The following CAMTA1 variants were observed in gnomAD, a reference collection of about 807,000 sequenced individuals.
CAMTA1 encodes calmodulin-binding transcription activator 1.
Under a neutral mutation model 170.9 loss-of-function variants are expected in CAMTA1, and 27 were observed. The ratio of observed to expected loss-of-function variants is 0.16; its 90% confidence interval spans 0.12 to 0.22. The LOEUF (loss-of-function observed/expected upper bound fraction) is 0.22, where lower values mean the gene tolerates loss of function less well. CAMTA1 is among the 10% of genes least tolerant of loss of function. CAMTA1 has a pLI of 1.00. For missense variants in CAMTA1, 1,619 were observed against 2,217.2 expected, an observed-to-expected ratio of 0.73 and a Z score of 5.42; for synonymous variants, 833 against 891.5, an observed-to-expected ratio of 0.93 and a Z score of 1.17.
chr1:7,344,240 ATG>A (rs1455246742), intron 5 of CAMTA1, among the ~76,000 whole-genome samples: 1 of 152,214 alleles, frequency 6.6e-6, no homozygotes, highest in African/African-American at 2.4e-5. Context: ...AGACCTTTGC[ATG>A]TGGTCTTTTC....
At chr1:7,348,130 A>G (rs777006484) in intron 5 of CAMTA1, among the ~76,000 whole-genome samples, 1 of 152,062 alleles carries the variant, frequency 6.6e-6, no homozygotes, top group Non-Finnish European at 1.5e-5. Context: ...TCCACTCTGC[A>G]TGCCTACCTC....
At chr1:7,618,340 C>G (rs1426495299) in intron 6 of CAMTA1, among the ~76,000 whole-genome samples, 1 of 152,222 alleles carries the variant, frequency 6.6e-6, no homozygotes, top group Non-Finnish European at 1.5e-5. Flanking sequence ...CAGCAGCTCC[C>G]CACCCAGGAG....
chr1:7,616,059 T>C (rs987867930), intron 6 of CAMTA1, among the ~76,000 whole-genome samples: 2 of 152,252 alleles, frequency 1.3e-5, no homozygotes, highest in African/African-American at 4.8e-5. Context: ...ACCACCCTTT[T>C]AAAAGGATGT....
intron 5 of CAMTA1, among the ~76,000 whole-genome samples, chr1:7,337,478 A>G (rs2083460050): frequency 6.7e-6 from 1 of 149,534 alleles, no homozygotes; most frequent in Non-Finnish European, 1.5e-5. Context: ...CGTAATGTGC[A>G]TGGTGGGCCT....
intron 4 of CAMTA1, among the ~76,000 whole-genome samples, chr1:7,174,493 TA>T (rs1650342694): frequency 6.6e-6 from 1 of 152,118 alleles, no homozygotes; most frequent in Non-Finnish European, 1.5e-5. Flanking sequence ...AGAGAAGAGG[TA>T]ACCGAAACAG....
intron 5 of CAMTA1, among the ~76,000 whole-genome samples, chr1:7,431,923 G>A (rs1387772089): frequency 2.6e-5 from 4 of 152,178 alleles, no homozygotes; most frequent in East Asian, 1.9e-4. Context: ...CAGCATGGGA[G>A]CCACTCATCC....
At chr1:6,846,043 A>T (rs1657978324) in intron 3 of CAMTA1, among the ~76,000 whole-genome samples, 1 of 152,226 alleles carries the variant, frequency 6.6e-6, no homozygotes, top group African/African-American at 2.4e-5. Flanking sequence ...CTTGAGACTC[A>T]TTCACTACCA....
At chr1:7,291,785 G>T (rs1312219556) in intron 5 of CAMTA1, among the ~76,000 whole-genome samples, 2 of 152,192 alleles carry the variant, frequency 1.3e-5, no homozygotes, top group Admixed American at 1.3e-4. Context: ...GGACAGTTTT[G>T]GTTGTCACCC....
chr1:6,846,356 C>A (rs1431774705), intron 3 of CAMTA1, among the ~76,000 whole-genome samples: 1 of 152,222 alleles, frequency 6.6e-6, no homozygotes, highest in African/African-American at 2.4e-5. Flanking sequence ...TATCTACTCT[C>A]CATTTACGTG....
intron 5 of CAMTA1, among the ~76,000 whole-genome samples, chr1:7,266,565 G>C (rs1668968963): frequency 6.6e-6 from 1 of 152,236 alleles, no homozygotes; most frequent in Non-Finnish European, 1.5e-5. Flanking sequence ...CCCTCTCGAA[G>C]CTCCCAACTT....
chr1:7,137,651 CA>C (rs1406944530), intron 4 of CAMTA1, among the ~76,000 whole-genome samples: 22 of 152,360 alleles, frequency 1.4e-4, no homozygotes, highest in Middle Eastern at 3.4e-3. Flanking sequence ...TTGAACCCTG[CA>C]CTCCTGCCTC....
chr1:7,738,519 G>C lies in CAMTA1; in HGVS notation c.4182+37G>C, dbSNP rs769401580. ...GGACAGGGTAAGCCCGCAGAGGCTG[G>C]TGCGTTCCAGTTGCTGTGATCTTTA... is the stretch of plus-strand genomic sequence containing the variant. On this transcript the variant is annotated intron_variant, in intron 16 of 22. Transcript: ENST00000303635. This position sits in a 1 kb window ranked among gnomAD's most constrained non-coding sequence, Gnocchi z 4.9. The C allele has an allele frequency of 3.2e-6, 5 of 1,586,440 alleles. No homozygotes were observed. The highest frequency in any genetic ancestry group is 4.3e-6 in the Non-Finnish European group (5 of 1,163,910).
chr1:6,923,679 A>G (rs1169656178), intron 3 of CAMTA1, among the ~76,000 whole-genome samples: 1 of 152,142 alleles, frequency 6.6e-6, no homozygotes, highest in African/African-American at 2.4e-5. Context: ...TGTTGGGGTC[A>G]GCCTGGGAAG....
chr1:6,837,275 G>T (rs186530155), intron 3 of CAMTA1, among the ~76,000 whole-genome samples: 1 of 152,156 alleles, frequency 6.6e-6, no homozygotes, highest in South Asian at 2.1e-4. Context: ...TTTTAAGATC[G>T]CTGTAGGAAG....
At chr1:7,601,173 T>C (rs2095438626) in intron 6 of CAMTA1, among the ~76,000 whole-genome samples, 1 of 116,304 alleles carries the variant, frequency 8.6e-6, no homozygotes, top group African/African-American at 3.3e-5. Context: ...GACCCCCACC[T>C]CCCTCCCGGA....
chr1:7,532,731 A>G lies in CAMTA1; in HGVS notation c.510+64830A>G, dbSNP rs1575839588. On this transcript the variant is annotated intron_variant, in intron 6 of 22. Transcript: ENST00000303635. The surrounding 1 kb of genome is among the most constrained non-coding windows in gnomAD (Gnocchi z 4.2). ...AGTGACTGTTTACGATGGGTGCCCA[A>G]TCGCTGATAGAAGAATGAATGAGTG... 1.3e-5 allele frequency among the ~76,000 whole-genome samples: 2 copies of G among 152,212 alleles called. No individual in the cohort carries two copies. The highest frequency in any genetic ancestry group is 3.9e-4 in the East Asian group (2 of 5,190).
At chr1:7,177,470 G>GC (rs139743157) in intron 4 of CAMTA1, among the ~76,000 whole-genome samples, 17,122 of 121,814 alleles carry the variant, frequency 0.14, 1,562 homozygotes, top group Non-Finnish European at 0.17. Context: ...ACACCCTGAG[G>GC]CCCCCCCACA....
intron 3 of CAMTA1, among the ~76,000 whole-genome samples, chr1:6,833,507 C>T (rs72854265): frequency 0.012 from 1,878 of 152,254 alleles, 32 homozygotes; most frequent in African/African-American, 0.043. Context: ...TAAATTGTCT[C>T]GCAACATGAG....
chr1:7,157,886 G>A (rs149583139), intron 4 of CAMTA1, among the ~76,000 whole-genome samples: 2,079 of 152,274 alleles, frequency 0.014, 38 homozygotes, highest in African/African-American at 0.047. Flanking sequence ...GGGGCCGGGC[G>A]CGGTGGCTCA....
Sources: allele counts gnomAD v4.1 joint callset (sites outside exome capture counted in the v4.1 genomes callset), GRCh38; gene constraint gnomAD v4.1.1; non-coding constraint Gnocchi (gnomAD v3.1); transcripts MANE v1.5; gene names NCBI Gene and HGNC (gene_info 2026-07-23, HGNC 2026-07-21).